The following TMEFF2 variants were observed in gnomAD, a reference collection of about 807,000 sequenced individuals.
The protein encoded by TMEFF2 is transmembrane protein with EGF like and two follistatin like domains 2.
A neutral mutation model predicts 53.8 loss-of-function variants in TMEFF2; 28 were observed. The observed-to-expected ratio is 0.52, with a 90% CI of 0.39 to 0.71. The LOEUF (loss-of-function observed/expected upper bound fraction) is 0.71. TMEFF2 is among the 30% of genes least tolerant of loss of function. The pLI is 0.00. For synonymous variants in TMEFF2, 162 were observed against 166.3 expected (o/e 0.97, Z 0.20); for missense variants, 353 against 455.2 (o/e 0.78, Z 2.04).
chr2:192,014,785 T>A (rs1686708804), intron 5 of TMEFF2, among the ~76,000 whole-genome samples: 1 of 152,206 alleles, frequency 6.6e-6, no homozygotes, highest in Admixed American at 6.5e-5. Flanking sequence ...TGAAACTACT[T>A]TCTGTGGGTT....
At chr2:192,166,270 C>T (rs539999341) in intron 4 of TMEFF2, among the ~76,000 whole-genome samples, 2 of 152,200 alleles carry the variant, frequency 1.3e-5, no homozygotes, top group East Asian at 3.9e-4. Context: ...GGGAATTGTT[C>T]TTACAGAGAG....
intron 5 of TMEFF2, among the ~76,000 whole-genome samples, chr2:192,008,198 G>T (rs1180595383): frequency 6.6e-6 from 1 of 152,180 alleles, no homozygotes; most frequent in African/African-American, 2.4e-5. Flanking sequence ...CCTGGTTCCA[G>T]GGTTGATTTA....
chr2:192,137,418 G>C (rs192501737), intron 4 of TMEFF2, among the ~76,000 whole-genome samples: 8 of 152,318 alleles, frequency 5.3e-5, no homozygotes, highest in African/African-American at 1.9e-4. Context: ...GTCATGAAAT[G>C]AAAGTGCGGA....
At chr2:192,164,880 A>G (rs1429496821) in intron 4 of TMEFF2, among the ~76,000 whole-genome samples, 3 of 152,196 alleles carry the variant, frequency 2.0e-5, no homozygotes, top group African/African-American at 7.2e-5. Flanking sequence ...CACAGAGTAT[A>G]ATAATATTAT....
At chr2:192,138,326 A>G (rs1690059386) in intron 4 of TMEFF2, among the ~76,000 whole-genome samples, 3 of 152,232 alleles carry the variant, frequency 2.0e-5, no homozygotes, top group Admixed American at 2.0e-4. Flanking sequence ...ATCTGAGCCA[A>G]CGTAAGTGGC....
chr2:192,116,043 T>G (rs1312845295), intron 4 of TMEFF2, among the ~76,000 whole-genome samples: 2 of 152,052 alleles, frequency 1.3e-5, no homozygotes, highest in Non-Finnish European at 2.9e-5. Flanking sequence ...CCATGTTCAT[T>G]ACAGCATTAT....
rs1045015361 is a variant in TMEFF2, at chr2:192,085,534, C to A, written c.440-27759G>T. Among the ~76,000 whole-genome samples the A allele has an allele frequency of 2.0e-5, 3 of 152,242 alleles. No homozygotes were observed. The East Asian group carries it at 5.8e-4, about 29-fold the overall frequency. ...TGGCAAGGCATGATCCCATCCCAGG[C>A]AGCCATATGAAGAGATAAACTGGGA... On this transcript the variant is annotated intron_variant, in intron 4 of 9. Coordinates refer to ENST00000272771, the MANE Select transcript of TMEFF2 (RefSeq NM_016192.4).
chr2:192,182,803 G>A (rs1691217749), intron 3 of TMEFF2, among the ~76,000 whole-genome samples: 1 of 151,748 alleles, frequency 6.6e-6, no homozygotes, highest in African/African-American at 2.4e-5. Flanking sequence ...CTGGTTCCTG[G>A]GATTTTACTT....
intron 3 of TMEFF2, 116 bp downstream of exon 3, chr2:192,184,238 G>T: frequency 7.8e-7 from 1 of 1,283,960 alleles, no homozygotes; most frequent in Non-Finnish European, 1.1e-6. Flanking sequence ...AAACAATACG[G>T]CTTGTCTAGT....
chr2:192,022,428 C>A (rs571050914), intron 5 of TMEFF2, among the ~76,000 whole-genome samples: 1 of 152,330 alleles, frequency 6.6e-6, no homozygotes, highest in Non-Finnish European at 1.5e-5. Context: ...TTGGGACCAA[C>A]TCAACATGCA....
intron 4 of TMEFF2, among the ~76,000 whole-genome samples, chr2:192,115,300 A>G (rs1334351538): frequency 6.6e-6 from 1 of 151,996 alleles, no homozygotes; most frequent in Non-Finnish European, 1.5e-5. Flanking sequence ...AGACAAACTA[A>G]TCTTCAGCAA....
At chr2:191,961,830 TAATG>T (rs1692282708) in intron 7 of TMEFF2, among the ~76,000 whole-genome samples, 1 of 152,174 alleles carries the variant, frequency 6.6e-6, no homozygotes, top group Non-Finnish European at 1.5e-5. Context: ...GTTCTGAATG[TAATG>T]AAGTCTGAGT....
chr2:192,075,440 C>T (rs1209583345), intron 4 of TMEFF2, among the ~76,000 whole-genome samples: 1 of 149,732 alleles, frequency 6.7e-6, no homozygotes, highest in African/African-American at 2.5e-5. Flanking sequence ...AACATGGGAC[C>T]CTTGAGCAGC....
intron 4 of TMEFF2, among the ~76,000 whole-genome samples, chr2:192,129,458 T>G (rs893035559): frequency 6.6e-6 from 1 of 151,882 alleles, no homozygotes; most frequent in Non-Finnish European, 1.5e-5. Context: ...AAAAAGACAC[T>G]CTTAGAGGGA....
chr2:192,083,016 T>C (rs1688589538), intron 4 of TMEFF2, among the ~76,000 whole-genome samples: 1 of 150,812 alleles, frequency 6.6e-6, no homozygotes, highest in Non-Finnish European at 1.5e-5. Flanking sequence ...TCTTCTGTGA[T>C]GTTGCTGAAG....
At chr2:191,964,422 TTC>T (rs1190810194) in intron 7 of TMEFF2, among the ~76,000 whole-genome samples, 1 of 126,496 alleles carries the variant, frequency 7.9e-6, no homozygotes, top group African/African-American at 3.0e-5. Context: ...CTTTCTTTCT[TTC>T]TTTCTTTCTT....
chr2:192,082,509 C>CATT (rs1445440573), intron 4 of TMEFF2, among the ~76,000 whole-genome samples: 1 of 152,148 alleles, frequency 6.6e-6, no homozygotes, highest in Non-Finnish European at 1.5e-5. Context: ...ACTTTGCTAA[C>CATT]ATTTTGTCAC....
intron 4 of TMEFF2, among the ~76,000 whole-genome samples, chr2:192,147,003 C>T (rs557790762): frequency 6.6e-6 from 1 of 152,192 alleles, no homozygotes; most frequent in South Asian, 2.1e-4. Flanking sequence ...CATAGTAATA[C>T]ATTAAAAGGC....
chr2:191,982,902 T>C (rs1339138816), intron 7 of TMEFF2, among the ~76,000 whole-genome samples: 1 of 152,160 alleles, frequency 6.6e-6, no homozygotes, highest in African/African-American at 2.4e-5. Context: ...GATTTTATAA[T>C]AAAAGTCATT....
Sources: gnomAD v4.1 joint callset for allele counts (sites outside exome capture counted in the v4.1 genomes callset) on GRCh38, gnomAD v4.1.1 for gene constraint, MANE v1.5 for transcripts, NCBI Gene and HGNC (gene_info 2026-07-23, HGNC 2026-07-21) for gene names.